The following PITPNM3 variants were observed in gnomAD, a reference collection of about 807,000 sequenced individuals.
PITPNM3 encodes PITPNM family member 3, also known as membrane-associated phosphatidylinositol transfer protein 3.
In PITPNM3, 26 loss-of-function variants were observed where a neutral mutation model predicts 102.0. The ratio of observed to expected loss-of-function variants is 0.25; its 90% CI spans 0.19 to 0.35. PITPNM3 has a LOEUF of 0.35. Among genes scored for constraint, PITPNM3 ranks in the 10% least tolerant of loss-of-function variants. The pLI is 1.00. For missense variants in PITPNM3, 1,083 were observed against 1,346.1 expected (o/e 0.80, Z 3.06); for synonymous variants, 578 against 558.6 (o/e 1.03, Z -0.49).
intron 4 of PITPNM3, among the ~76,000 whole-genome samples, chr17:6,501,774 C>A (rs748973899): frequency 6.6e-5 from 10 of 152,168 alleles, no homozygotes; most frequent in Non-Finnish European, 1.0e-4. Context: ...GGCCTGGAAT[C>A]CAGCCTTGAG....
At chr17:6,535,644 T>C (rs892778997) in intron 2 of PITPNM3, among the ~76,000 whole-genome samples, 1 of 151,648 alleles carries the variant, frequency 6.6e-6, no homozygotes, top group African/African-American at 2.4e-5. Flanking sequence ...AGTGGCCGGG[T>C]GCGGTGGCTC....
At chr17:6,529,411 G>A (rs999051536) in intron 2 of PITPNM3, among the ~76,000 whole-genome samples, 6 of 152,072 alleles carry the variant, frequency 3.9e-5, no homozygotes, top group African/African-American at 1.4e-4. Flanking sequence ...TGACCAACAT[G>A]GTGAAACACC....
chr17:6,552,205 C>A (rs1277723866), intron 1 of PITPNM3, among the ~76,000 whole-genome samples: 1 of 152,162 alleles, frequency 6.6e-6, no homozygotes, highest in Non-Finnish European at 1.5e-5. Flanking sequence ...GAGGCCCAAC[C>A]CTGTGGCCTC....
chr17:6,461,660 C>T (rs984500798), intron 17 of PITPNM3, 104 bp from the exon 18 acceptor site: 31 of 1,351,128 alleles, frequency 2.3e-5, no homozygotes, highest in East Asian at 9.2e-5. Context: ...GTCAGAGGGA[C>T]GAGTCTGAGG....
Position 6,455,341 on chromosome 17 carries a change from G to A in PITPNM3, c.2922C>T (p.Pro974=). 1 of 1,575,800 alleles carries A rather than the reference G, an allele frequency of 6.3e-7. No homozygotes were observed. Among genetic ancestry groups the A allele is most frequent in the Non-Finnish European group, 8.6e-7 (1 of 1,162,910 alleles). Residue 974 remains proline, a synonymous_variant, in exon 20 of 20, where the codon CCC becomes CCT. Coordinates refer to ENST00000262483, the MANE Select transcript of PITPNM3 (RefSeq NM_031220.4). The stretch of plus-strand genomic sequence containing the variant: ...TGCTCTGAGCACAGCCCACCCCTCA[G>A]GGCACCGACTCGAACTTGGGGGGCC... The part of the protein sequence containing the change: ...ARGPPKFESV[P]
rs1028132057 is a variant in PITPNM3, at chr17:6,556,061, C to T, written c.22+324G>A. Among the ~76,000 whole-genome samples the T allele has an allele frequency of 6.6e-6, 1 of 152,118 alleles. No homozygotes were observed. Among genetic ancestry groups the T allele is most frequent in the Admixed American group, 6.5e-5 (1 of 15,284 alleles). ...GGACATCCCCTTCGGTGGCGAAGCC[C>T]GGGTCTGCCCGGGGCCTCCGCGGGG... is the stretch of plus-strand genomic sequence containing the variant. On this transcript the variant is annotated intron_variant, in intron 1 of 19. Coordinates refer to ENST00000262483, the MANE Select transcript of PITPNM3 (RefSeq NM_031220.4). This position sits in a 1 kb window ranked among gnomAD's most constrained non-coding sequence, Gnocchi z 5.2.
chr17:6,543,653 CCAGCCCTGGGGGCA>C (rs891583286), intron 1 of PITPNM3, among the ~76,000 whole-genome samples: 4 of 152,246 alleles, frequency 2.6e-5, no homozygotes, highest in African/African-American at 9.6e-5. Context: ...CTCAGAAATG[CCAGCCCTGGGGGCA>C]CAGCCCTACA....
In PITPNM3 at chr17:6,453,889, A is replaced by AGGTGTG. The variant is rs1185890196; in HGVS notation, c.*1443_*1448dup. 1 of 152,414 alleles carries AGGTGTG rather than the reference A, an allele frequency of 6.6e-6. No individual in the cohort carries two copies. The highest frequency in any genetic ancestry group is 2.4e-5 in the African/African-American group (1 of 41,446). 9.4% of individuals were successfully genotyped at this position (152,414 alleles called of 1,614,324 possible). A position where few individuals can be genotyped will look rare whatever the true frequency, so the allele number is the denominator to read the frequency against. The stretch of plus-strand genomic sequence containing the variant: ...GGCCACGTGGGCAGCCCCACACAGC[A>AGGTGTG]GGTGTGGGCCTGGGCCAGGGAGTCG... On this transcript the variant is annotated 3_prime_UTR_variant, in exon 20 of 20. Transcript: ENST00000262483.
intron 1 of PITPNM3, among the ~76,000 whole-genome samples, chr17:6,554,318 CAAAAAAAAAA>C (rs35188321): frequency 1.3e-5 from 1 of 74,558 alleles, no homozygotes; most frequent in African/African-American, 5.4e-5. Flanking sequence ...GACTCCATCT[CAAAAAAAAAA>C]AAAAAAAAAA....
chr17:6,494,913 A>G (rs10852883), intron 4 of PITPNM3, among the ~76,000 whole-genome samples: 73,969 of 151,996 alleles, frequency 0.49, 18,183 homozygotes, highest in Middle Eastern at 0.66. Flanking sequence ...AAATTGGACC[A>G]CAGTGAAATT....
chr17:6,484,295 G>A lies in PITPNM3; in HGVS notation c.275-3C>T, dbSNP rs1905938439. ...CAAGGAAACCCGGTACAGTTCTCCT[G>A]CAGAGGGAAAGAGGGGAGCTCAGCA... On this transcript the variant is annotated splice_polypyrimidine_tract_variant and splice_region_variant and intron_variant, in intron 4 of 19. Transcript: ENST00000262483. 3.7e-6 allele frequency: 6 copies of A among 1,601,712 alleles called. No homozygotes were observed. Among genetic ancestry groups the A allele is most frequent in the Non-Finnish European group, 5.1e-6 (6 of 1,168,900 alleles).
At chr17:6,494,138 T>C (rs1477393125) in intron 4 of PITPNM3, among the ~76,000 whole-genome samples, 1 of 152,126 alleles carries the variant, frequency 6.6e-6, no homozygotes, top group East Asian at 1.9e-4. Flanking sequence ...CTCCCCATCT[T>C]AAAGATGAGA....
chr17:6,461,517 C>G lies in PITPNM3; in HGVS notation c.2346G>C (p.Thr782=). The part of the protein sequence containing the change: ...QDLGYMILYI[T]GRPDMQKQRV... ...GCTGCTTCTGCATGTCCGGCCGTCCCGTGATGTAAAGGATCATGTAGCCCA... is the reference window on the plus strand; with the variant it reads ...GCTGCTTCTGCATGTCCGGCCGTCCGGTGATGTAAAGGATCATGTAGCCCA... The change falls in exon 18 of 20, where the codon ACG becomes ACC. Residue 782 remains threonine (T), a synonymous_variant. Coordinates refer to ENST00000262483, the MANE Select transcript of PITPNM3 (RefSeq NM_031220.4). 1 of 1,614,220 alleles carries G rather than the reference C, an allele frequency of 6.2e-7. No individual in the cohort carries two copies. Among genetic ancestry groups the G allele is most frequent in the Non-Finnish European group, 8.5e-7 (1 of 1,180,032 alleles).
At chr17:6,456,914 C>T (rs1914141815) in intron 19 of PITPNM3, among the ~76,000 whole-genome samples, 1 of 152,168 alleles carries the variant, frequency 6.6e-6, no homozygotes, top group South Asian at 2.1e-4. Context: ...TCAGACCCTC[C>T]ACTTTCTCTT....
At position 6,451,362 on chromosome 17, in the gene PITPNM3, T is replaced by C. The variant is rs1322611378; in HGVS notation, c.*3976A>G. 1.3e-5 allele frequency: 2 copies of C among 152,258 alleles called. No homozygotes were observed. The highest frequency in any genetic ancestry group is 2.9e-5 in the Non-Finnish European group (2 of 68,048). 9.4% of individuals were successfully genotyped at this position (152,258 alleles called of 1,614,324 possible). On this transcript the variant is annotated 3_prime_UTR_variant, in exon 20 of 20. Coordinates refer to ENST00000262483, the MANE Select transcript of PITPNM3 (RefSeq NM_031220.4). The stretch of plus-strand genomic sequence containing the variant: ...CAGTTGTAAAAATCTTTTAACTCCA[T>C]AATGCTGTTTTTGTCTTGTTAGAAA...
intron 3 of PITPNM3, among the ~76,000 whole-genome samples, chr17:6,515,312 C>T (rs71370450): frequency 0.098 from 14,574 of 148,938 alleles, 967 homozygotes; most frequent in Non-Finnish European, 0.15. Flanking sequence ...GTCAGAGAAT[C>T]GCTTGAACCC....
intron 3 of PITPNM3, among the ~76,000 whole-genome samples, chr17:6,505,831 G>C (rs1246332070): frequency 2.0e-5 from 3 of 152,252 alleles, no homozygotes; most frequent in Non-Finnish European, 2.9e-5. Flanking sequence ...TCTGTGCAGA[G>C]AAGCACACGG....
In PITPNM3 at chr17:6,457,748, G is replaced by C. The variant is rs186491916; in HGVS notation, c.2491-26C>G. 74 of 1,564,666 alleles carry C rather than the reference G, an allele frequency of 4.7e-5. No homozygotes were observed. The highest frequency in any genetic ancestry group is 5.9e-5 in the Non-Finnish European group (68 of 1,154,262). ...CTGAAACACAGGGCAGGCATAGGGG[G>C]AGAGTGAGGCCAGCCCACCCCCTGG... On this transcript the variant is annotated intron_variant, in intron 18 of 19. Transcript: ENST00000262483. This position sits in a 1 kb window ranked among gnomAD's most constrained non-coding sequence, Gnocchi z 4.7.
In PITPNM3 at chr17:6,556,386, T is replaced by C; in HGVS notation, c.21A>G (p.Ala7=). The C allele has an allele frequency of 7.5e-7, 1 of 1,330,540 alleles. No individual in the cohort carries two copies. Among genetic ancestry groups the C allele is most frequent in the Non-Finnish European group, 9.6e-7 (1 of 1,037,292 alleles). The allele number at this position is 1,330,540 out of a possible 1,614,324, so 82.4% of individuals were successfully genotyped here. A position where few individuals can be genotyped will look rare whatever the true frequency, so the allele number is the denominator to read the frequency against. Residue 7 remains alanine, a splice_region_variant and synonymous_variant, in exon 1 of 20, where the codon GCA becomes GCG. Transcript: ENST00000262483. The surrounding 1 kb of genome is among the most constrained non-coding windows in gnomAD (Gnocchi z 5.2). MAKAGR[A]GGPPPGGGAP... is the part of the protein sequence containing the mutation. ...TGCCCTCCCCGCGCCCGCCCTCACC[T>C]GCACGGCCCGCCTTGGCCATGTCCC...
Sources: gnomAD v4.1 joint callset for allele counts (sites outside exome capture counted in the v4.1 genomes callset) on GRCh38, gnomAD v4.1.1 for gene constraint, Gnocchi (gnomAD v3.1) non-coding constraint, MANE v1.5 for transcripts, NCBI Gene and HGNC (gene_info 2026-07-23, HGNC 2026-07-21) for gene names.